STX8: variants seen among roughly 807,000 people sequenced by gnomAD.
STX8 encodes the protein syntaxin-8.
STX8 carries 23 observed loss-of-function variants against 37.5 expected under a neutral mutation model. The observed-to-expected ratio is 0.61, with a 90% CI of 0.44 to 0.87. The LOEUF is 0.87. Among genes scored for constraint, STX8 ranks in the 40% least tolerant of loss-of-function variants. The pLI is 0.00. For missense variants in STX8, 313 were observed against 284.7 expected (o/e 1.10, Z -0.71); for synonymous variants, 115 against 99.1 (o/e 1.16, Z -0.95).
At chr17:9,302,880 G>A (rs1335209541) in intron 7 of STX8, among the ~76,000 whole-genome samples, 1 of 151,398 alleles carries the variant, frequency 6.6e-6, no homozygotes, top group East Asian at 1.9e-4. Flanking sequence ...GAAAGATTCA[G>A]TATTTTTATT....
intron 7 of STX8, among the ~76,000 whole-genome samples, chr17:9,288,480 T>C (rs553110120): frequency 2.0e-4 from 30 of 151,582 alleles, no homozygotes; most frequent in Non-Finnish European, 3.5e-4. Flanking sequence ...GCTAACGCGG[T>C]GAAACCCCGT....
At chr17:9,263,303 C>T (rs975356121) in intron 7 of STX8, among the ~76,000 whole-genome samples, 2 of 152,056 alleles carry the variant, frequency 1.3e-5, no homozygotes, top group African/African-American at 4.8e-5. Context: ...ATGGAGAAAC[C>T]CCATCCTCTA....
chr17:9,570,948 C>T (rs1448810876), intron 1 of STX8, among the ~76,000 whole-genome samples: 3 of 151,926 alleles, frequency 2.0e-5, no homozygotes, highest in African/African-American at 2.4e-5. Flanking sequence ...AAAGACAGGG[C>T]GAGCAAAGAT....
intron 7 of STX8, among the ~76,000 whole-genome samples, chr17:9,293,503 G>T (rs987792734): frequency 1.3e-5 from 2 of 151,638 alleles, no homozygotes; most frequent in African/African-American, 4.9e-5. Context: ...ATTATAACTT[G>T]GGCATGAGGT....
chr17:9,422,746 C>T (rs372662717), intron 6 of STX8, among the ~76,000 whole-genome samples: 5 of 152,236 alleles, frequency 3.3e-5, no homozygotes, highest in Admixed American at 6.5e-5. Flanking sequence ...ACAGATCACA[C>T]GGCCTGGCCC....
intron 6 of STX8, among the ~76,000 whole-genome samples, chr17:9,441,988 C>A: frequency 6.6e-6 from 1 of 152,114 alleles, no homozygotes; most frequent in East Asian, 1.9e-4. Flanking sequence ...TTACCATCCA[C>A]AGGCTGACTC....
intron 7 of STX8, among the ~76,000 whole-genome samples, chr17:9,364,429 G>A (rs1567798660): frequency 6.6e-6 from 1 of 152,058 alleles, no homozygotes; most frequent in Non-Finnish European, 1.5e-5. Flanking sequence ...AAGAAGACAT[G>A]TTTAAAAATA....
At chr17:9,434,814 G>T (rs1332663583) in intron 6 of STX8, among the ~76,000 whole-genome samples, 1 of 152,198 alleles carries the variant, frequency 6.6e-6, no homozygotes, top group Non-Finnish European at 1.5e-5. Context: ...TTAGTTGCAT[G>T]CAAATGAAGA....
At chr17:9,296,243 G>T (rs1908534303) in intron 7 of STX8, among the ~76,000 whole-genome samples, 1 of 152,142 alleles carries the variant, frequency 6.6e-6, no homozygotes, top group African/African-American at 2.4e-5. Context: ...CTACTCGGGA[G>T]GCTGAGGCAG....
At chr17:9,461,475 T>C (rs549089381) in intron 6 of STX8, 3 of 152,314 alleles carry the variant, frequency 2.0e-5, no homozygotes, top group South Asian at 2.1e-4. Context: ...GAAGCCAATA[T>C]AAAGTCAAGA....
intron 4 of STX8, among the ~76,000 whole-genome samples, chr17:9,517,924 GA>G (rs1042204170): frequency 5.3e-5 from 8 of 151,978 alleles, no homozygotes; most frequent in Non-Finnish European, 8.8e-5. Flanking sequence ...CCAGGACCAG[GA>G]ATGTGTACCA....
intron 7 of STX8, among the ~76,000 whole-genome samples, chr17:9,312,004 T>C (rs911844177): frequency 5.9e-5 from 9 of 151,330 alleles, no homozygotes; most frequent in African/African-American, 9.7e-5. Context: ...CCCGCCATTA[T>C]GCCCAGCTAA....
chr17:9,276,445 A>G (rs79339816), intron 7 of STX8, among the ~76,000 whole-genome samples: 11,373 of 152,184 alleles, frequency 0.075, 521 homozygotes, highest in East Asian at 0.16. Context: ...GCTTTAAACG[A>G]GGGACAGATT....
At chr17:9,383,379 T>C (rs1409340238) in intron 6 of STX8, among the ~76,000 whole-genome samples, 1 of 152,198 alleles carries the variant, frequency 6.6e-6, no homozygotes, top group Non-Finnish European at 1.5e-5. Context: ...AATAGTATGA[T>C]CATCTCAATA....
At chr17:9,501,024 G>C (rs569684275) in intron 5 of STX8, among the ~76,000 whole-genome samples, 2 of 152,034 alleles carry the variant, frequency 1.3e-5, no homozygotes, top group East Asian at 1.9e-4. Flanking sequence ...TAAAATAAAA[G>C]ATATGAACTA....
rs1006220658 is a variant in STX8 at position 9,313,365 on chromosome 17, A to T, written c.644-62720T>A. 5.4e-4 allele frequency among the ~76,000 whole-genome samples: 82 copies of T among 152,294 alleles called. 1 individual carries two copies. Among genetic ancestry groups the T allele is most frequent in the Middle Eastern group, 3.4e-3 (1 of 294 alleles). On this transcript the variant is annotated intron_variant, in intron 7 of 7. Transcript: ENST00000306357. The stretch of plus-strand genomic sequence containing the variant: ...AGAGGGCTTTTTAAAAAAGGGAATT[A>T]GGAGCTTATAAAACCTTCAGGACAA...
chr17:9,469,884 G>A (rs1250606676), intron 6 of STX8: 1 of 152,148 alleles, frequency 6.6e-6, no homozygotes, highest in Admixed American at 6.6e-5. Context: ...AATGACCCAA[G>A]GGAGTACAGA....
chr17:9,288,640 T>A (rs530881003), intron 7 of STX8, among the ~76,000 whole-genome samples: 3 of 151,844 alleles, frequency 2.0e-5, no homozygotes, highest in East Asian at 3.9e-4. Context: ...CCAGCCTGGG[T>A]GACAGAGTGA....
chr17:9,367,034 G>C (rs1268476345), intron 7 of STX8, among the ~76,000 whole-genome samples: 1 of 152,108 alleles, frequency 6.6e-6, no homozygotes, highest in South Asian at 2.1e-4. Flanking sequence ...GTTGGGGTGG[G>C]GGATGGTTTC....
Sources: allele counts gnomAD v4.1 joint callset (sites outside exome capture counted in the v4.1 genomes callset), GRCh38; gene constraint gnomAD v4.1.1; transcripts MANE v1.5; gene names NCBI Gene and HGNC (gene_info 2026-07-23, HGNC 2026-07-21).